PDE4D: variants seen among roughly 807,000 people sequenced by gnomAD.
The protein encoded by PDE4D is phosphodiesterase 4D, also known as 3',5'-cyclic-AMP phosphodiesterase 4D.
In PDE4D, 24 loss-of-function variants were observed where a neutral mutation model predicts 87.4. The ratio of observed to expected loss-of-function variants is 0.27; its 90% CI spans 0.20 to 0.39. The LOEUF (loss-of-function observed/expected upper bound fraction) is 0.39, where lower values mean the gene tolerates loss of function less well. Ranked by LOEUF, PDE4D falls within the 10% of genes least tolerant of loss-of-function variation. The pLI, the probability that PDE4D is intolerant of heterozygous loss-of-function variation, is 1.00. For missense variants in PDE4D, 714 were observed against 1,041.0 expected, an observed-to-expected ratio of 0.69 and a Z score of 4.32; for synonymous variants, 384 against 383.2, an observed-to-expected ratio of 1.00 and a Z score of -0.02.
intron 1 of PDE4D, among the ~76,000 whole-genome samples, chr5:59,651,249 C>T (rs928849817): frequency 1.1e-4 from 15 of 137,044 alleles, no homozygotes; most frequent in Non-Finnish European, 1.8e-4. Flanking sequence ...GAGTGAGACT[C>T]TGTCTCAACA....
chr5:59,154,921 TAGA>T (rs995834235), intron 5 of PDE4D, among the ~76,000 whole-genome samples: 2 of 152,152 alleles, frequency 1.3e-5, no homozygotes, highest in East Asian at 3.9e-4. Flanking sequence ...ATAGATTTGG[TAGA>T]AGGATTCATG....
chr5:59,753,974 C>T (rs947776375), intron 1 of PDE4D, among the ~76,000 whole-genome samples: 1 of 152,114 alleles, frequency 6.6e-6, no homozygotes, highest in Non-Finnish European at 1.5e-5. Context: ...TTTACTTCAA[C>T]GCATATCATT....
intron 1 of PDE4D, among the ~76,000 whole-genome samples, chr5:59,636,315 T>C (rs1832234955): frequency 6.6e-6 from 1 of 152,136 alleles, no homozygotes; most frequent in South Asian, 2.1e-4. Flanking sequence ...TCCAAAGTAA[T>C]TTATAGATTC....
intron 5 of PDE4D, among the ~76,000 whole-genome samples, chr5:59,116,192 T>C (rs953775180): frequency 2.6e-5 from 4 of 152,190 alleles, no homozygotes; most frequent in Non-Finnish European, 2.9e-5. Flanking sequence ...TAATGTTTTT[T>C]GAGCACATAT....
Position 60,479,402 on chromosome 5 carries a change from A to G in PDE4D, c.-90+8540T>C, listed in dbSNP as rs368796933. Among the ~76,000 whole-genome samples, 31 of 152,298 alleles carry G rather than the reference A, an allele frequency of 2.0e-4. 1 individual carries two copies. The highest frequency in any genetic ancestry group is 7.5e-4 in the African/African-American group (31 of 41,568). On this transcript the variant is annotated intron_variant, in intron 1 of 16. Transcript: ENST00000502484. ...GCTTCACCACCTCTTAATATTCACA[A>G]TGTGCTACTGAGGGCTGTTTGTTCT...
At chr5:59,522,006 TTTCA>T (rs1162389474) in intron 1 of PDE4D, among the ~76,000 whole-genome samples, 1 of 152,178 alleles carries the variant, frequency 6.6e-6, no homozygotes, top group Non-Finnish European at 1.5e-5. Flanking sequence ...AAGGTACAGC[TTTCA>T]TTGAGATTTA....
At chr5:59,786,069 C>G (rs781625399) in intron 1 of PDE4D, among the ~76,000 whole-genome samples, 3 of 152,272 alleles carry the variant, frequency 2.0e-5, no homozygotes, top group Middle Eastern at 6.8e-3. Flanking sequence ...GCACTCTACA[C>G]AAGCCTTTCC....
chr5:60,072,516 C>T (rs1772837070), intron 2 of PDE4D, among the ~76,000 whole-genome samples: 2 of 152,022 alleles, frequency 1.3e-5, no homozygotes, highest in South Asian at 4.1e-4. Context: ...TTAATTAGAT[C>T]CCATTTATCA....
At chr5:60,122,080 T>C (rs770037812) in intron 2 of PDE4D, among the ~76,000 whole-genome samples, 11 of 152,140 alleles carry the variant, frequency 7.2e-5, no homozygotes, top group South Asian at 2.1e-4. Context: ...CCAGGTCACA[T>C]TGATGCAAGA....
Position 60,450,779 on chromosome 5 carries a change from C to T in PDE4D, c.-90+37163G>A, listed in dbSNP as rs1452773936. ...TGGCCATATACATGGTGATATCTATCTTCAACTGCAGAAAATAGGATGAAC... is the reference window on the plus strand; with the variant it reads ...TGGCCATATACATGGTGATATCTATTTTCAACTGCAGAAAATAGGATGAAC... On this transcript the variant is annotated intron_variant, in intron 1 of 16. Coordinates refer to the PDE4D transcript ENST00000502484. Among the ~76,000 whole-genome samples, 4 of 152,148 alleles carry T rather than the reference C, an allele frequency of 2.6e-5. No homozygotes were observed. In the East Asian group the frequency reaches 7.7e-4, roughly 29 times the overall value.
intron 1 of PDE4D, among the ~76,000 whole-genome samples, chr5:59,361,149 A>ATTCC (rs1782161320): frequency 1.3e-5 from 2 of 152,158 alleles, no homozygotes; most frequent in Non-Finnish European, 2.9e-5. Flanking sequence ...GCTTTGTTGG[A>ATTCC]TAAAGCCTAC....
intron 1 of PDE4D, among the ~76,000 whole-genome samples, chr5:59,437,963 G>T (rs898000402): frequency 6.6e-6 from 1 of 152,120 alleles, no homozygotes; most frequent in African/African-American, 2.4e-5. Flanking sequence ...TCACAGGGTG[G>T]CAGGAGAGAG....
At chr5:59,375,841 A>C (rs1004021736) in intron 1 of PDE4D, among the ~76,000 whole-genome samples, 4 of 152,166 alleles carry the variant, frequency 2.6e-5, no homozygotes, top group Admixed American at 2.6e-4. Context: ...TATCCACCAC[A>C]ATCAAGTAGG....
intron 1 of PDE4D, chr5:59,703,554 T>C (rs1752921273): frequency 1.9e-6 from 1 of 534,112 alleles, no homozygotes; most frequent in South Asian, 1.4e-5. Context: ...CCTTTGCATA[T>C]TGAAGGGGGT....
At chr5:59,275,263 A>T in intron 1 of PDE4D, 1 of 1,193,894 alleles carries the variant, frequency 8.4e-7, no homozygotes. Flanking sequence ...GACATCACAC[A>T]ACTTACTAAA....
chr5:59,961,526 T>C (rs1369352432), intron 3 of PDE4D, among the ~76,000 whole-genome samples: 3 of 152,156 alleles, frequency 2.0e-5, no homozygotes, highest in Non-Finnish European at 2.9e-5. Flanking sequence ...AATAAATTTC[T>C]GCTGTTTCGA....
At chr5:59,468,442 A>C (rs1293984744) in intron 1 of PDE4D, among the ~76,000 whole-genome samples, 1 of 152,212 alleles carries the variant, frequency 6.6e-6, no homozygotes, top group South Asian at 2.1e-4. Flanking sequence ...TTACCTAAAA[A>C]ACAAAACACA....
chr5:59,333,787 A>C (rs1486938522), intron 1 of PDE4D, among the ~76,000 whole-genome samples: 1 of 151,724 alleles, frequency 6.6e-6, no homozygotes, highest in Non-Finnish European at 1.5e-5. Flanking sequence ...TTAGTAAATA[A>C]CCTGCTAAGA....
intron 1 of PDE4D, among the ~76,000 whole-genome samples, chr5:59,540,711 C>A (rs1277813597): frequency 6.6e-6 from 1 of 152,122 alleles, no homozygotes; most frequent in Admixed American, 6.6e-5. Flanking sequence ...GTCACATCCT[C>A]CCCCATTTAA....
Sources: allele counts gnomAD v4.1 joint callset (sites outside exome capture counted in the v4.1 genomes callset), GRCh38; gene constraint gnomAD v4.1.1; transcripts MANE v1.5; gene names NCBI Gene and HGNC (gene_info 2026-07-23, HGNC 2026-07-21).